PDE1A: variants seen among roughly 807,000 people sequenced by gnomAD.
PDE1A encodes the protein dual specificity calcium/calmodulin-dependent 3',5'-cyclic nucleotide phosphodiesterase 1A.
In PDE1A, 35 loss-of-function variants were observed where a neutral mutation model predicts 61.7. That is an observed-to-expected ratio of 0.57 (90% confidence interval 0.43 to 0.75). PDE1A has a LOEUF of 0.75. Ranked by LOEUF, PDE1A falls within the 30% of genes least tolerant of loss-of-function variation. The pLI is 0.00. For synonymous variants in PDE1A, 232 were observed against 213.2 expected (o/e 1.09, Z -0.77); for missense variants, 597 against 630.6 (o/e 0.95, Z 0.57).
At chr2:182,200,650 T>C (rs535968470) in intron 10 of PDE1A, among the ~76,000 whole-genome samples, 3 of 152,336 alleles carry the variant, frequency 2.0e-5, no homozygotes, top group African/African-American at 7.2e-5. Flanking sequence ...ATAGCACTTT[T>C]GAAGTTTTGT....
intron 11 of PDE1A, among the ~76,000 whole-genome samples, chr2:182,187,450 T>C (rs1574616229): frequency 6.6e-6 from 1 of 152,084 alleles, no homozygotes; most frequent in East Asian, 1.9e-4. Context: ...AGAATTGTTG[T>C]TGGAAACACT....
At chr2:182,241,974 T>G in intron 2 of PDE1A, 1 of 1,484,650 alleles carries the variant, frequency 6.7e-7, no homozygotes, top group Non-Finnish European at 8.9e-7. Context: ...CTTGAAAATA[T>G]CACTACTTTA....
intron 4 of PDE1A, among the ~76,000 whole-genome samples, chr2:182,231,872 A>G (rs1689610428): frequency 6.6e-6 from 1 of 152,110 alleles, no homozygotes; most frequent in Non-Finnish European, 1.5e-5. Flanking sequence ...CCAAGATCGC[A>G]CTACTGCACT....
intron 2 of PDE1A, among the ~76,000 whole-genome samples, chr2:182,446,450 T>C (rs1685140814): frequency 6.6e-6 from 1 of 152,100 alleles, no homozygotes; most frequent in Non-Finnish European, 1.5e-5. Flanking sequence ...ATTTGTTAAA[T>C]TGAGTGCAGT....
chr2:182,322,548 ATTAAACCT>A (rs1220718323), intron 1 of PDE1A, among the ~76,000 whole-genome samples: 2 of 152,230 alleles, frequency 1.3e-5, no homozygotes, highest in Non-Finnish European at 2.9e-5. Flanking sequence ...CTGTGAGTCC[ATTAAACCT>A]CTTTTTCTTT....
chr2:182,697,766 G>A, the PDE1A span, among the ~76,000 whole-genome samples: 1 of 152,206 alleles, frequency 6.6e-6, no homozygotes, highest in Non-Finnish European at 1.5e-5. Flanking sequence ...AGGGAATTAG[G>A]ACGCATTTCA....
At chr2:182,401,291 G>T (rs1047540571) in intron 1 of PDE1A, among the ~76,000 whole-genome samples, 1 of 152,104 alleles carries the variant, frequency 6.6e-6, no homozygotes, top group East Asian at 1.9e-4. Flanking sequence ...CTGGCAAACC[G>T]AATCCAGCAG....
chr2:182,189,854 A>G (rs1685542859), intron 10 of PDE1A, among the ~76,000 whole-genome samples: 1 of 152,200 alleles, frequency 6.6e-6, no homozygotes, highest in South Asian at 2.1e-4. Flanking sequence ...CTTATGAAAG[A>G]AAGAGGAGAG....
At chr2:182,642,304 T>A in the PDE1A span, among the ~76,000 whole-genome samples, 1 of 152,212 alleles carries the variant, frequency 6.6e-6, no homozygotes. Flanking sequence ...ATAAATCTCC[T>A]GTTAAATCCA....
At chr2:182,532,819 G>A in the PDE1A span, among the ~76,000 whole-genome samples, 1 of 151,070 alleles carries the variant, frequency 6.6e-6, no homozygotes, top group South Asian at 2.1e-4. Context: ...GCGGTGGTGG[G>A]CGCCTGTAGT....
chr2:182,541,050 G>A, the PDE1A span, among the ~76,000 whole-genome samples: 1 of 152,100 alleles, frequency 6.6e-6, no homozygotes, highest in Non-Finnish European at 1.5e-5. Flanking sequence ...AAGGAACGAT[G>A]GCTGATTGGC....
chr2:182,517,400 TC>T (rs1327414716), intron 2 of PDE1A, among the ~76,000 whole-genome samples: 3 of 152,230 alleles, frequency 2.0e-5, no homozygotes, highest in African/African-American at 7.2e-5. Flanking sequence ...GTCACTATTT[TC>T]GCAGCCTGGC....
chr2:182,606,394 G>A, the PDE1A span, among the ~76,000 whole-genome samples: 2 of 152,164 alleles, frequency 1.3e-5, no homozygotes, highest in African/African-American at 2.4e-5. Flanking sequence ...TGGCCAGGCT[G>A]TTCTCGAACT....
At chr2:182,231,705 G>T (rs1004953131) in intron 4 of PDE1A, among the ~76,000 whole-genome samples, 1 of 152,070 alleles carries the variant, frequency 6.6e-6, no homozygotes, top group African/African-American at 2.4e-5. Context: ...CACGAGGTCA[G>T]GAGTTCGAGG....
At chr2:182,694,519 G>C in the PDE1A span, among the ~76,000 whole-genome samples, 1 of 152,166 alleles carries the variant, frequency 6.6e-6, no homozygotes, top group South Asian at 2.1e-4. Flanking sequence ...GGGCAGTCAG[G>C]TTTGAAACAC....
chr2:182,635,698 C>CTCTCTCTCTCTCTCTCTCTCTA, the PDE1A span, among the ~76,000 whole-genome samples: 2 of 147,514 alleles, frequency 1.4e-5, no homozygotes, highest in African/African-American at 5.0e-5. Flanking sequence ...CTCTCTCTCT[C>CTCTCTCTCTCTCTCTCTCTCTA]TCCACATATG....
At chr2:182,188,995 C>A (rs763764489) in exon 11 of PDE1A, 1 of 1,611,694 alleles carries the variant, frequency 6.2e-7, no homozygotes, top group Non-Finnish European at 8.5e-7. Flanking sequence ...GTGACTGGGC[C>A]ACCATGGTTG....
intron 1 of PDE1A, among the ~76,000 whole-genome samples, chr2:182,399,788 T>G (rs1033072924): frequency 6.6e-6 from 1 of 152,052 alleles, no homozygotes; most frequent in African/African-American, 2.4e-5. Flanking sequence ...CTATGTTCCA[T>G]GGTTTGATTA....
chr2:182,369,133 A>G (rs1699995950), intron 1 of PDE1A, among the ~76,000 whole-genome samples: 1 of 152,056 alleles, frequency 6.6e-6, no homozygotes, highest in Non-Finnish European at 1.5e-5. Flanking sequence ...CTGTCTCAGC[A>G]AGCCCAATCC....
Sources: allele counts gnomAD v4.1 joint callset (sites outside exome capture counted in the v4.1 genomes callset), GRCh38; gene constraint gnomAD v4.1.1; transcripts MANE v1.5; gene names NCBI Gene and HGNC (gene_info 2026-07-23, HGNC 2026-07-21).